The following ALMS1 variants were observed in gnomAD, a reference collection of about 807,000 sequenced individuals.
The protein encoded by ALMS1 is centrosome-associated protein ALMS1.
ALMS1 carries 271 observed loss-of-function variants against 352.2 expected under a neutral mutation model. That is an observed-to-expected ratio of 0.77 (90% CI 0.70 to 0.85). The LOEUF is 0.85. Among genes scored for constraint, ALMS1 ranks in the 40% least tolerant of loss-of-function variants. ALMS1 has a pLI of 0.00. For missense variants in ALMS1, 5,445 were observed against 4,870.7 expected, an observed-to-expected ratio of 1.12 and a Z score of -3.51; for synonymous variants, 1,865 against 1,761.2, an observed-to-expected ratio of 1.06 and a Z score of -1.48.
chr2:73,400,354 C>A (rs1242623485), intron 1 of ALMS1, among the ~76,000 whole-genome samples: 1 of 152,158 alleles, frequency 6.6e-6, no homozygotes, highest in Non-Finnish European at 1.5e-5. Context: ...TAATATTTTG[C>A]TGAGAATTTT....
At chr2:73,554,993 A>G (rs1420362241) in intron 13 of ALMS1, among the ~76,000 whole-genome samples, 1 of 152,242 alleles carries the variant, frequency 6.6e-6, no homozygotes, top group African/African-American at 2.4e-5. Context: ...AGAGAAAATT[A>G]TAAAACTACA....
At chr2:73,409,364 C>A (rs1405193854) in intron 2 of ALMS1, among the ~76,000 whole-genome samples, 4 of 152,018 alleles carry the variant, frequency 2.6e-5, no homozygotes, top group African/African-American at 9.7e-5. Context: ...CCTCTTGCCT[C>A]GGCCTCCTAA....
chr2:73,471,632 A>G (rs1253815887), intron 9 of ALMS1, among the ~76,000 whole-genome samples: 2 of 151,858 alleles, frequency 1.3e-5, no homozygotes, highest in Non-Finnish European at 2.9e-5. Flanking sequence ...ATCGCTAATC[A>G]TCAGGAAAAT....
intron 16 of ALMS1, among the ~76,000 whole-genome samples, chr2:73,596,013 A>G (rs771563805): frequency 1.3e-4 from 20 of 152,136 alleles, no homozygotes; most frequent in Non-Finnish European, 2.4e-4. Context: ...CTCTCTATAT[A>G]CTCTGGTTAC....
chr2:73,447,509 A>G (rs991851536), intron 7 of ALMS1, among the ~76,000 whole-genome samples: 2 of 152,152 alleles, frequency 1.3e-5, no homozygotes, highest in African/African-American at 2.4e-5. Flanking sequence ...ACTTGGGGGC[A>G]GGAGGAACCC....
chr2:73,471,579 A>G (rs1273372545), intron 9 of ALMS1, among the ~76,000 whole-genome samples: 1 of 151,808 alleles, frequency 6.6e-6, no homozygotes, highest in African/African-American at 2.4e-5. Flanking sequence ...ATTTCTTAAG[A>G]CATACAAATG....
intron 7 of ALMS1, among the ~76,000 whole-genome samples, chr2:73,442,187 A>G (rs1399967290): frequency 2.0e-5 from 3 of 152,138 alleles, no homozygotes; most frequent in Non-Finnish European, 2.9e-5. Context: ...ATGGTCCAAA[A>G]TCTGGAACTT....
At chr2:73,401,743 A>G (rs923031247) in intron 1 of ALMS1, among the ~76,000 whole-genome samples, 1 of 152,102 alleles carries the variant, frequency 6.6e-6, no homozygotes, top group Non-Finnish European at 1.5e-5. Context: ...ATATAATACA[A>G]TATTATTAAC....
At chr2:73,475,094 A>G (rs1183554107) in intron 9 of ALMS1, among the ~76,000 whole-genome samples, 1 of 152,020 alleles carries the variant, frequency 6.6e-6, no homozygotes, top group Non-Finnish European at 1.5e-5. Context: ...ATCCCTTTTT[A>G]TTGCCAAATT....
At chr2:73,410,595 T>C (rs1671055835) in intron 2 of ALMS1, among the ~76,000 whole-genome samples, 1 of 152,142 alleles carries the variant, frequency 6.6e-6, no homozygotes, top group Admixed American at 6.5e-5. Flanking sequence ...TTGAAGTATA[T>C]GAAGACAATC....
At chr2:73,531,324 AT>A (rs1673905554) in intron 11 of ALMS1, among the ~76,000 whole-genome samples, 1 of 152,114 alleles carries the variant, frequency 6.6e-6, no homozygotes. Context: ...GATACCCTAA[AT>A]CATCTCTTTC....
At position 73,394,823 on chromosome 2, in the gene ALMS1, G is replaced by T. The variant is rs1012005401; in HGVS notation, c.324+8631G>T. ...GCCTACTACACACCTAGGCTATATAGTCTAACTGTTTGCTCCTAGGCTACA... is the reference window on the plus strand; with the variant it reads ...GCCTACTACACACCTAGGCTATATATTCTAACTGTTTGCTCCTAGGCTACA... On this transcript the variant is annotated intron_variant, in intron 1 of 22. Transcript: ENST00000613296. Among the ~76,000 whole-genome samples, 2 of 151,902 alleles carry T rather than the reference G, an allele frequency of 1.3e-5. 1 individual carries two copies. Among genetic ancestry groups the T allele is most frequent in the Non-Finnish European group, 2.9e-5 (2 of 68,002 alleles).
chr2:73,476,982 G>A (rs951381096), intron 9 of ALMS1, among the ~76,000 whole-genome samples: 2 of 152,064 alleles, frequency 1.3e-5, no homozygotes, highest in Non-Finnish European at 2.9e-5. Flanking sequence ...ACTTAAAGGT[G>A]CAATTTCTAA....
chr2:73,605,758 G>T (rs1381988780), intron 21 of ALMS1, among the ~76,000 whole-genome samples: 1 of 151,998 alleles, frequency 6.6e-6, no homozygotes, highest in Non-Finnish European at 1.5e-5. Flanking sequence ...CAGGAGAATT[G>T]CCTGAGCCTG....
At chr2:73,474,368 A>ACT (rs1390977735) in intron 9 of ALMS1, among the ~76,000 whole-genome samples, 11 of 79,768 alleles carry the variant, frequency 1.4e-4, no homozygotes, top group Non-Finnish European at 2.0e-4. Flanking sequence ...GTGCTTGTTG[A>ACT]CTCTGTGTGT....
intron 12 of ALMS1, among the ~76,000 whole-genome samples, chr2:73,541,909 A>T (rs1292981592): frequency 6.6e-6 from 1 of 152,202 alleles, no homozygotes; most frequent in Non-Finnish European, 1.5e-5. Context: ...CCAGGACCAG[A>T]TGGATTCACA....
chr2:73,447,266 GC>G (rs1242393847), intron 7 of ALMS1, among the ~76,000 whole-genome samples: 2 of 152,210 alleles, frequency 1.3e-5, no homozygotes, highest in Non-Finnish European at 2.9e-5. Context: ...GTTGGATTGT[GC>G]AACCTAGATT....
At chr2:73,563,060 C>G (rs1276002931) in intron 15 of ALMS1, among the ~76,000 whole-genome samples, 1 of 148,906 alleles carries the variant, frequency 6.7e-6, no homozygotes, top group South Asian at 2.1e-4. Context: ...GCAAAGCATG[C>G]AAGTCTATAT....
intron 16 of ALMS1, among the ~76,000 whole-genome samples, chr2:73,575,363 A>T (rs535080882): frequency 6.6e-6 from 1 of 152,318 alleles, no homozygotes; most frequent in South Asian, 2.1e-4. Flanking sequence ...TTGCATTCCC[A>T]TCAGCAGTGT....
Sources: allele counts gnomAD v4.1 joint callset (sites outside exome capture counted in the v4.1 genomes callset), GRCh38; gene constraint gnomAD v4.1.1; transcripts MANE v1.5; gene names NCBI Gene and HGNC (gene_info 2026-07-23, HGNC 2026-07-21).